The following GPC5 variants were observed in gnomAD, a reference collection of about 807,000 sequenced individuals.
The protein encoded by GPC5 is glypican-5.
Under a neutral mutation model 53.9 loss-of-function variants are expected in GPC5, and 47 were observed. That is an observed-to-expected ratio of 0.87 (90% CI 0.69 to 1.11). The LOEUF is 1.11. GPC5 is among the 50% of genes most tolerant of loss of function. GPC5 has a pLI of 0.00. For missense variants in GPC5, 748 were observed against 713.1 expected, an observed-to-expected ratio of 1.05 and a Z score of -0.56; for synonymous variants, 286 against 263.3, an observed-to-expected ratio of 1.09 and a Z score of -0.84.
chr13:92,494,250 C>T (rs900902325), intron 7 of GPC5, among the ~76,000 whole-genome samples: 6 of 152,108 alleles, frequency 3.9e-5, no homozygotes, highest in Admixed American at 2.0e-4. Flanking sequence ...CCACTACGCC[C>T]GGCTAATTTT....
Position 92,792,082 on chromosome 13 carries a change from A to G in GPC5, c.1562-74200A>G, listed in dbSNP as rs143141277. 2.0e-3 allele frequency among the ~76,000 whole-genome samples: 299 copies of G among 152,242 alleles called. 1 individual carries two copies. Among genetic ancestry groups the G allele is most frequent in the African/African-American group, 6.9e-3 (288 of 41,572 alleles). On this transcript the variant is annotated intron_variant, in intron 7 of 7. Transcript: ENST00000377067. ...AGAGAAGAATGGGATACTCCTAGAG[A>G]AGAGCAACCCCAAGACACATAATTG...
chr13:92,571,352 G>A (rs1371775661), intron 7 of GPC5, among the ~76,000 whole-genome samples: 2 of 152,124 alleles, frequency 1.3e-5, no homozygotes, highest in Non-Finnish European at 2.9e-5. Context: ...TAAATGACTT[G>A]AACAGGATGA....
intron 5 of GPC5, among the ~76,000 whole-genome samples, chr13:91,785,054 C>T (rs759807989): frequency 2.2e-4 from 33 of 152,190 alleles, no homozygotes; most frequent in Admixed American, 2.1e-3. Flanking sequence ...CGTGGCTACA[C>T]GGATTCCACA....
intron 6 of GPC5, among the ~76,000 whole-genome samples, chr13:92,066,430 C>G (rs1256327898): frequency 1.3e-5 from 2 of 148,548 alleles, no homozygotes; most frequent in African/African-American, 5.0e-5. Context: ...ATAGAACAAA[C>G]CTGAAAAAAA....
At chr13:91,905,332 T>C (rs1252704692) in intron 5 of GPC5, among the ~76,000 whole-genome samples, 1 of 151,732 alleles carries the variant, frequency 6.6e-6, no homozygotes, top group Non-Finnish European at 1.5e-5. Flanking sequence ...TATATGAGTA[T>C]AAAATTTTAT....
At chr13:92,196,740 C>A (rs1253353993) in intron 7 of GPC5, among the ~76,000 whole-genome samples, 1 of 152,130 alleles carries the variant, frequency 6.6e-6, no homozygotes, top group African/African-American at 2.4e-5. Context: ...TCTTCGTATC[C>A]ATGTCAGACG....
At chr13:92,076,136 C>A (rs550459165) in intron 6 of GPC5, among the ~76,000 whole-genome samples, 2 of 149,894 alleles carry the variant, frequency 1.3e-5, no homozygotes, top group Admixed American at 1.3e-4. Context: ...AGTGCAGTGG[C>A]GCTATCACTG....
At chr13:92,184,618 G>C (rs1006342490) in intron 7 of GPC5, among the ~76,000 whole-genome samples, 1 of 152,116 alleles carries the variant, frequency 6.6e-6, no homozygotes, top group Admixed American at 6.5e-5. Flanking sequence ...ATTTAATTCT[G>C]TTAGGAAACC....
intron 6 of GPC5, among the ~76,000 whole-genome samples, chr13:91,998,138 G>C (rs2040520955): frequency 6.6e-6 from 1 of 152,146 alleles, no homozygotes; most frequent in South Asian, 2.1e-4. Context: ...TTTATTCCCT[G>C]TTGCTCTTCA....
At chr13:92,115,039 A>G (rs1338322350) in intron 6 of GPC5, among the ~76,000 whole-genome samples, 29 of 152,158 alleles carry the variant, frequency 1.9e-4, no homozygotes, top group Admixed American at 1.9e-3. Flanking sequence ...ACAGAATTTG[A>G]TTAGTACTGA....
At chr13:91,749,682 A>G (rs1299827843) in intron 4 of GPC5, among the ~76,000 whole-genome samples, 3 of 152,358 alleles carry the variant, frequency 2.0e-5, no homozygotes, top group Non-Finnish European at 2.9e-5. Context: ...TTTCCATAGA[A>G]GTTGATTTAT....
At chr13:92,698,231 A>T (rs1887617595) in intron 7 of GPC5, among the ~76,000 whole-genome samples, 1 of 152,020 alleles carries the variant, frequency 6.6e-6, no homozygotes, top group African/African-American at 2.4e-5. Flanking sequence ...TTAGTTACAT[A>T]TGTATACATG....
intron 2 of GPC5, among the ~76,000 whole-genome samples, chr13:91,532,311 T>C (rs886714056): frequency 6.6e-6 from 1 of 152,180 alleles, no homozygotes; most frequent in African/African-American, 2.4e-5. Context: ...AGCCGAATGA[T>C]TCTAAATGGA....
intron 1 of GPC5, among the ~76,000 whole-genome samples, chr13:91,416,092 G>A (rs997356735): frequency 6.6e-6 from 1 of 152,142 alleles, no homozygotes; most frequent in Non-Finnish European, 1.5e-5. Flanking sequence ...ACCCTGCAGT[G>A]TAGCAGAGGT....
intron 7 of GPC5, among the ~76,000 whole-genome samples, chr13:92,297,229 A>G (rs1225877802): frequency 3.3e-5 from 5 of 152,162 alleles, no homozygotes; most frequent in Admixed American, 2.0e-4. Context: ...GAGTGCACCA[A>G]TCGACACTCT....
chr13:91,802,077 G>C (rs2038145217), intron 5 of GPC5, among the ~76,000 whole-genome samples: 1 of 152,194 alleles, frequency 6.6e-6, no homozygotes, highest in African/African-American at 2.4e-5. Context: ...CAATATTTAA[G>C]TTATCAAAAG....
chr13:92,189,828 C>T (rs77928236), intron 7 of GPC5, among the ~76,000 whole-genome samples: 3,535 of 152,104 alleles, frequency 0.023, 138 homozygotes, highest in African/African-American at 0.079. Context: ...TCAATGGGCT[C>T]ATTAGTATAC....
rs558624387 is a variant in GPC5, at chr13:91,514,864, A to T, written c.325+65942A>T. On this transcript the variant is annotated intron_variant, in intron 2 of 7. Transcript: ENST00000377067. ...TCATACTTTCTATATTCTTATTGAC[A>T]GCTTTCTATGTATTTCACTTTAAGG... Among the ~76,000 whole-genome samples the T allele has an allele frequency of 1.4e-4, 22 of 152,258 alleles. 1 individual carries two copies. The highest frequency in any genetic ancestry group is 7.2e-4 in the Admixed American group (11 of 15,292).
chr13:91,533,156 C>T (rs907980334), intron 2 of GPC5, among the ~76,000 whole-genome samples: 2 of 152,242 alleles, frequency 1.3e-5, no homozygotes, highest in East Asian at 3.9e-4. Context: ...ACCATGTAGG[C>T]AGATTCAAAA....
Sources: allele counts gnomAD v4.1 joint callset (sites outside exome capture counted in the v4.1 genomes callset), GRCh38; gene constraint gnomAD v4.1.1; transcripts MANE v1.5; gene names NCBI Gene and HGNC (gene_info 2026-07-23, HGNC 2026-07-21).